Variants in FGF14 observed in about 807,000 individuals in gnomAD.
FGF14 encodes the protein fibroblast growth factor homologous factor 4.
FGF14 carries 5 observed loss-of-function variants against 25.5 expected under a neutral mutation model. The observed-to-expected ratio is 0.20, with a 90% CI of 0.10 to 0.41. The LOEUF is 0.41. FGF14 is among the 10% of genes least tolerant of loss of function. The pLI is 1.00. For synonymous variants in FGF14, 138 were observed against 118.3 expected (o/e 1.17, Z -1.08); for missense variants, 222 against 320.1 (o/e 0.69, Z 2.34).
chr13:102,175,526 T>A (rs954516786), intron 1 of FGF14, among the ~76,000 whole-genome samples: 3 of 152,118 alleles, frequency 2.0e-5, no homozygotes, highest in Non-Finnish European at 4.4e-5. Context: ...GCAAAGAATT[T>A]AGGACTATAT....
At chr13:101,773,379 G>A (rs2038898146) in intron 3 of FGF14, among the ~76,000 whole-genome samples, 1 of 151,970 alleles carries the variant, frequency 6.6e-6, no homozygotes, top group East Asian at 1.9e-4. Flanking sequence ...ACAAATGTGT[G>A]CTCTTTCTTT....
At chr13:101,881,858 C>A (rs1594593085) in intron 1 of FGF14, among the ~76,000 whole-genome samples, 1 of 152,106 alleles carries the variant, frequency 6.6e-6, no homozygotes, top group East Asian at 1.9e-4. Flanking sequence ...GTCAATGACA[C>A]CAAACACTAA....
chr13:102,222,234 T>C (rs1167170180), intron 1 of FGF14, among the ~76,000 whole-genome samples: 1 of 152,200 alleles, frequency 6.6e-6, no homozygotes, highest in Non-Finnish European at 1.5e-5. Context: ...TACACTGTTA[T>C]TATAGCACTT....
At chr13:101,984,162 G>T (rs1420496765) in intron 1 of FGF14, among the ~76,000 whole-genome samples, 3 of 152,068 alleles carry the variant, frequency 2.0e-5, no homozygotes, top group Non-Finnish European at 4.4e-5. Flanking sequence ...ATATGCGCTC[G>T]AAAATGTGAC....
At chr13:101,731,943 A>G (rs2035839484) in intron 3 of FGF14, among the ~76,000 whole-genome samples, 1 of 152,184 alleles carries the variant, frequency 6.6e-6, no homozygotes, top group African/African-American at 2.4e-5. Flanking sequence ...TGTTTACTAT[A>G]TGGTCCTTTG....
At chr13:101,895,135 T>A (rs1219562680) in intron 1 of FGF14, among the ~76,000 whole-genome samples, 1 of 152,150 alleles carries the variant, frequency 6.6e-6, no homozygotes, top group East Asian at 1.9e-4. Flanking sequence ...TAAATAAAGG[T>A]TTAAGTGTAC....
At chr13:102,235,150 A>C (rs2051272289) in intron 1 of FGF14, among the ~76,000 whole-genome samples, 1 of 152,232 alleles carries the variant, frequency 6.6e-6, no homozygotes, top group Non-Finnish European at 1.5e-5. Context: ...AACAAAAAAC[A>C]CAAAATCATT....
chr13:102,130,131 T>C (rs891757011), intron 1 of FGF14, among the ~76,000 whole-genome samples: 1 of 152,182 alleles, frequency 6.6e-6, no homozygotes, highest in African/African-American at 2.4e-5. Flanking sequence ...GTCATTAACA[T>C]TAACACTTAC....
At chr13:101,893,205 C>G (rs2030032863) in intron 1 of FGF14, among the ~76,000 whole-genome samples, 1 of 152,174 alleles carries the variant, frequency 6.6e-6, no homozygotes, top group African/African-American at 2.4e-5. Context: ...GTCTCTGCAT[C>G]TTTTCAAATG....
intron 3 of FGF14, among the ~76,000 whole-genome samples, chr13:101,810,281 T>C (rs2041430238): frequency 6.6e-6 from 1 of 152,252 alleles, no homozygotes; most frequent in South Asian, 2.1e-4. Flanking sequence ...TATTTATGTA[T>C]TTATTTTTAT....
chr13:102,241,391 G>A (rs975675662), intron 1 of FGF14, among the ~76,000 whole-genome samples: 3 of 152,052 alleles, frequency 2.0e-5, no homozygotes, highest in Non-Finnish European at 4.4e-5. Context: ...TTCCCAAGTC[G>A]TTCTGCAATT....
At chr13:101,903,813 A>G (rs2031881180) in intron 1 of FGF14, among the ~76,000 whole-genome samples, 1 of 152,226 alleles carries the variant, frequency 6.6e-6, no homozygotes, top group South Asian at 2.1e-4. Flanking sequence ...GACTGTCAGC[A>G]TCTAGAGGAC....
At chr13:102,257,342 CTTTTTTTT>C (rs71125058) in intron 1 of FGF14, among the ~76,000 whole-genome samples, 2 of 32,552 alleles carry the variant, frequency 6.1e-5, no homozygotes, top group African/African-American at 2.6e-4. Context: ...CCTTTCTTTT[CTTTTTTTT>C]TTTTTTTTTT....
chr13:102,302,225 C>G (rs949468024), intron 1 of FGF14, among the ~76,000 whole-genome samples: 2 of 152,102 alleles, frequency 1.3e-5, no homozygotes, highest in Admixed American at 6.6e-5. Flanking sequence ...GCCAGTTAAC[C>G]ATGTTGGAGA....
At chr13:102,051,019 C>G (rs2079918725) in intron 1 of FGF14, among the ~76,000 whole-genome samples, 1 of 152,156 alleles carries the variant, frequency 6.6e-6, no homozygotes, top group African/African-American at 2.4e-5. Flanking sequence ...AATTAGCTAC[C>G]ACGTCTCCCA....
At chr13:102,139,736 G>A (rs181778118) in intron 1 of FGF14, among the ~76,000 whole-genome samples, 1 of 151,756 alleles carries the variant, frequency 6.6e-6, no homozygotes, top group African/African-American at 2.4e-5. Flanking sequence ...GTGAAGAAAC[G>A]AGGAAAGACC....
intron 3 of FGF14, among the ~76,000 whole-genome samples, chr13:101,827,566 A>T (rs1471566848): frequency 1.3e-5 from 2 of 151,952 alleles, no homozygotes; most frequent in Non-Finnish European, 2.9e-5. Context: ...TAAGATATAT[A>T]TAAAATACCT....
At chr13:101,789,577 C>G (rs2140082774) in intron 3 of FGF14, among the ~76,000 whole-genome samples, 1 of 152,240 alleles carries the variant, frequency 6.6e-6, no homozygotes, top group East Asian at 1.9e-4. Flanking sequence ...CTTCTCTAAT[C>G]ATTTGGATCA....
chr13:101,962,600 A>T (rs1222747263), intron 1 of FGF14, among the ~76,000 whole-genome samples: 2 of 152,240 alleles, frequency 1.3e-5, no homozygotes, highest in East Asian at 3.8e-4. Flanking sequence ...AAAGCCATTT[A>T]GGATAAAATA....
Sources: gnomAD v4.1 joint callset for allele counts (sites outside exome capture counted in the v4.1 genomes callset) on GRCh38, gnomAD v4.1.1 for gene constraint, MANE v1.5 for transcripts, NCBI Gene and HGNC (gene_info 2026-07-23, HGNC 2026-07-21) for gene names.